HS6ST3: variants seen among roughly 807,000 people sequenced by gnomAD.
The protein encoded by HS6ST3 is heparan-sulfate 6-O-sulfotransferase 3.
HS6ST3 carries 12 observed loss-of-function variants against 36.7 expected under a neutral mutation model. That is an observed-to-expected ratio of 0.33 (90% confidence interval 0.21 to 0.53). The LOEUF (loss-of-function observed/expected upper bound fraction) is 0.53. Ranked by LOEUF, HS6ST3 falls within the 20% of genes least tolerant of loss-of-function variation. The probability of loss-of-function intolerance (pLI) is 0.95; values close to 1 mark genes in which losing one functional copy is unlikely to be tolerated. For synonymous variants in HS6ST3, 240 were observed against 257.5 expected (o/e 0.93, Z 0.65); for missense variants, 584 against 640.9 (o/e 0.91, Z 0.96).
rs1223502683 is a variant in HS6ST3, at chr13:96,833,250, T to C, written c.*52T>C. ...GGGGAGGGTGAGCAGGCACATTGAC[T>C]TTCTGTTGAGGTACCTTGGAGAAGC... On this transcript the variant is annotated 3_prime_UTR_variant, in exon 2 of 2. Transcript: ENST00000376705. The C allele has an allele frequency of 7.1e-7, 1 of 1,399,432 alleles. No homozygotes were observed. Among genetic ancestry groups the C allele is most frequent in the Middle Eastern group, 1.8e-4 (1 of 5,414 alleles). 86.7% of individuals were successfully genotyped at this position (1,399,432 alleles called of 1,614,324 possible). A position where few individuals can be genotyped will look rare whatever the true frequency, so the allele number is the denominator to read the frequency against.
intron 1 of HS6ST3, among the ~76,000 whole-genome samples, chr13:96,186,092 G>A (rs763553842): frequency 7.9e-5 from 12 of 152,118 alleles, no homozygotes; most frequent in South Asian, 2.1e-4. Context: ...GTGTATATGC[G>A]TGTATATGTA....
At chr13:96,708,284 A>G (rs1414098316) in intron 1 of HS6ST3, among the ~76,000 whole-genome samples, 1 of 152,194 alleles carries the variant, frequency 6.6e-6, no homozygotes, top group African/African-American at 2.4e-5. Flanking sequence ...ATGACTTTGC[A>G]TTAGGGTTTC....
At chr13:96,256,774 T>C (rs1357914520) in intron 1 of HS6ST3, among the ~76,000 whole-genome samples, 1 of 152,220 alleles carries the variant, frequency 6.6e-6, no homozygotes, top group Non-Finnish European at 1.5e-5. Flanking sequence ...AATTCTCTCC[T>C]GGATGTATTA....
intron 1 of HS6ST3, among the ~76,000 whole-genome samples, chr13:96,121,318 TTAGAGGCTCATTAAGGAGCCAAGCAAAGG>T (rs1453202780): frequency 2.6e-5 from 4 of 152,182 alleles, no homozygotes; most frequent in Non-Finnish European, 5.9e-5. Flanking sequence ...GTGAAGTTTA[TTAGAGGCTCATTAAGGAGCCAAGCAAAGG>T]TAGAGTAAGG....
At chr13:96,573,955 C>G in intron 1 of HS6ST3, 1 of 536,368 alleles carries the variant, frequency 1.9e-6, no homozygotes, top group South Asian at 1.4e-5. Flanking sequence ...GCTGCTACTG[C>G]TTTACCAAAC....
At position 96,658,923 on chromosome 13, in the gene HS6ST3, G is replaced by C. The variant is rs969553530; in HGVS notation, c.708-173567G>C. On this transcript the variant is annotated intron_variant, in intron 1 of 1. Coordinates refer to ENST00000376705, the MANE Select transcript of HS6ST3 (RefSeq NM_153456.4). ...GAGTTTCACCATATTGGTCTGGTTG[G>C]TATCGAACTCCTGACCTCAAGTAAT... Among the ~76,000 whole-genome samples, 14 of 151,292 alleles carry C rather than the reference G, an allele frequency of 9.3e-5. No homozygotes were observed. In the East Asian group the frequency reaches 2.4e-3, roughly 26 times the overall value.
chr13:96,148,953 A>G (rs2054070757), intron 1 of HS6ST3, among the ~76,000 whole-genome samples: 1 of 152,188 alleles, frequency 6.6e-6, no homozygotes, highest in Admixed American at 6.5e-5. Flanking sequence ...AGACTGAGAA[A>G]ACACATCCTG....
At chr13:96,345,567 A>C (rs1409779906) in intron 1 of HS6ST3, among the ~76,000 whole-genome samples, 4 of 152,188 alleles carry the variant, frequency 2.6e-5, no homozygotes, top group Non-Finnish European at 5.9e-5. Flanking sequence ...CTTCACATGT[A>C]CTAGGGGACA....
intron 1 of HS6ST3, 92 bp downstream of exon 1, chr13:96,091,661 CT>C: frequency 6.9e-7 from 1 of 1,442,218 alleles, no homozygotes; most frequent in Non-Finnish European, 9.1e-7. Flanking sequence ...CTCCCTGCCC[CT>C]GCCGATGGTT....
intron 1 of HS6ST3, among the ~76,000 whole-genome samples, chr13:96,584,641 G>A (rs2056354127): frequency 6.6e-6 from 1 of 152,154 alleles, no homozygotes. Flanking sequence ...GGCTTAAGTG[G>A]CATAACAATG....
intron 1 of HS6ST3, among the ~76,000 whole-genome samples, chr13:96,680,861 T>C (rs751904692): frequency 2.0e-5 from 3 of 152,170 alleles, no homozygotes; most frequent in Non-Finnish European, 2.9e-5. Flanking sequence ...ATTAGGAGCA[T>C]GTGGGTGGGT....
rs183161064 is a variant in HS6ST3 at position 96,823,995 on chromosome 13, A to G, written c.708-8495A>G. Among the ~76,000 whole-genome samples, 75 of 152,202 alleles carry G rather than the reference A, an allele frequency of 4.9e-4. No homozygotes were observed. In the East Asian group the frequency reaches 0.012, roughly 25 times the overall value. ...ACATTATTGCGTATCCAAGTGGGGG[A>G]AATAATAATTTTTAAAAAAGCAAGA... On this transcript the variant is annotated intron_variant, in intron 1 of 1. Coordinates refer to ENST00000376705, the MANE Select transcript of HS6ST3 (RefSeq NM_153456.4).
chr13:96,269,001 T>C (rs1431426363), intron 1 of HS6ST3, among the ~76,000 whole-genome samples: 2 of 152,032 alleles, frequency 1.3e-5, no homozygotes, highest in African/African-American at 2.4e-5. Context: ...CTTGACTTTG[T>C]AGCCTGAAAA....
At chr13:96,299,588 AG>A (rs1419403218) in intron 1 of HS6ST3, among the ~76,000 whole-genome samples, 1 of 152,168 alleles carries the variant, frequency 6.6e-6, no homozygotes, top group South Asian at 2.1e-4. Flanking sequence ...TGTTGGATCC[AG>A]TGTCAAAAGG....
chr13:96,306,829 A>G lies in HS6ST3; in HGVS notation c.707+215260A>G, dbSNP rs556640187. ...GAAAATAGATTTACCTCCCTACAGA[A>G]CAAAATTCTAGATGATAAGAAAGCT... is the stretch of plus-strand genomic sequence containing the variant. On this transcript the variant is annotated intron_variant, in intron 1 of 1. Transcript: ENST00000376705. Among the ~76,000 whole-genome samples the G allele has an allele frequency of 3.3e-5, 5 of 152,334 alleles. No individual in the cohort carries two copies. In the South Asian group the frequency reaches 8.3e-4, roughly 25 times the overall value.
At chr13:96,664,474 A>C (rs1208065218) in intron 1 of HS6ST3, among the ~76,000 whole-genome samples, 1 of 152,188 alleles carries the variant, frequency 6.6e-6, no homozygotes, top group African/African-American at 2.4e-5. Flanking sequence ...AAAAACACTG[A>C]AACTTCATAG....
At chr13:96,534,096 A>G (rs901387062) in intron 1 of HS6ST3, among the ~76,000 whole-genome samples, 1 of 152,166 alleles carries the variant, frequency 6.6e-6, no homozygotes, top group African/African-American at 2.4e-5. Context: ...GTTAGGGGGA[A>G]ATAAGACCAC....
chr13:96,598,648 A>G (rs946560189), intron 1 of HS6ST3, among the ~76,000 whole-genome samples: 3 of 152,048 alleles, frequency 2.0e-5, no homozygotes, highest in African/African-American at 2.4e-5. Context: ...TTCTTTTCCA[A>G]TTTGGATGTC....
At chr13:96,147,842 A>G (rs2054065674) in intron 1 of HS6ST3, among the ~76,000 whole-genome samples, 1 of 152,266 alleles carries the variant, frequency 6.6e-6, no homozygotes, top group Non-Finnish European at 1.5e-5. Context: ...TGTAACATAT[A>G]CAATCATAAA....
Sources: allele counts gnomAD v4.1 joint callset (sites outside exome capture counted in the v4.1 genomes callset), GRCh38; gene constraint gnomAD v4.1.1; transcripts MANE v1.5; gene names NCBI Gene and HGNC (gene_info 2026-07-23, HGNC 2026-07-21).